PTBP3: variants seen among roughly 807,000 people sequenced by gnomAD.
PTBP3 encodes the protein polypyrimidine tract binding protein 3.
In PTBP3, 20 loss-of-function variants were observed where a neutral mutation model predicts 58.7. That is an observed-to-expected ratio of 0.34 (90% CI 0.24 to 0.50). The LOEUF (loss-of-function observed/expected upper bound fraction) is 0.50. PTBP3 is among the 20% of genes least tolerant of loss of function. PTBP3 has a pLI of 0.98. For synonymous variants in PTBP3, 185 were observed against 219.8 expected, an observed-to-expected ratio of 0.84 and a Z score of 1.40; for missense variants, 509 against 637.2, an observed-to-expected ratio of 0.80 and a Z score of 2.17.
chr9:112,265,440 GT>G, intron 4 of PTBP3, among the ~76,000 whole-genome samples: 2 of 119,064 alleles, frequency 1.7e-5, no homozygotes, highest in Non-Finnish European at 3.4e-5. Context: ...CGGGCGGGGG[GT>G]GGGGGATGGG....
At chr9:112,267,714 T>C (rs1183442676) in intron 4 of PTBP3, among the ~76,000 whole-genome samples, 1 of 143,960 alleles carries the variant, frequency 6.9e-6, no homozygotes, top group Non-Finnish European at 1.6e-5. Flanking sequence ...ATTCACTCAA[T>C]TTCTCAATGC....
At chr9:112,316,971 C>CAA (rs1265773927) in intron 1 of PTBP3, among the ~76,000 whole-genome samples, 4 of 104,656 alleles carry the variant, frequency 3.8e-5, no homozygotes, top group African/African-American at 7.2e-5. Flanking sequence ...GACACCATCT[C>CAA]AAAAAAAAAA....
intron 2 of PTBP3, among the ~76,000 whole-genome samples, chr9:112,279,133 A>C (rs970003633): frequency 1.3e-5 from 2 of 152,208 alleles, no homozygotes; most frequent in Admixed American, 6.5e-5. Context: ...AAGATGAAGA[A>C]TGTATACCAT....
chr9:112,350,930 T>C, the PTBP3 span, among the ~76,000 whole-genome samples: 141,270 of 152,132 alleles, frequency 0.93, 65,666 homozygotes, highest in Admixed American at 0.95. Flanking sequence ...TCCCGAGTAG[T>C]TGGGATTACA....
intron 1 of PTBP3, among the ~76,000 whole-genome samples, chr9:112,308,201 A>G (rs1250361557): frequency 6.6e-6 from 1 of 151,682 alleles, no homozygotes; most frequent in Non-Finnish European, 1.5e-5. Flanking sequence ...AATTTTTTTT[A>G]TTTTTTGTAG....
chr9:112,260,670 A>G (rs760564789), intron 5 of PTBP3, among the ~76,000 whole-genome samples: 3 of 152,218 alleles, frequency 2.0e-5, no homozygotes, highest in Admixed American at 6.5e-5. Flanking sequence ...ACAGTGCCAG[A>G]AAAGACAGGT....
In PTBP3 at chr9:112,297,112, T is replaced by C. The variant is rs1285593527; in HGVS notation, c.34+720A>G. ...AATTTCAAGAACATTTATTTTAAAA[T>C]CACGTGGTACCTTATGGTACGTAAA... On this transcript the variant is annotated intron_variant, in intron 2 of 13. Coordinates refer to ENST00000374257, the MANE Select transcript of PTBP3 (RefSeq NM_001163788.4). 4.6e-5 allele frequency among the ~76,000 whole-genome samples: 7 copies of C among 152,348 alleles called. No homozygotes were observed. The South Asian group carries it at 1.0e-3, about 23-fold the overall frequency.
the PTBP3 span, among the ~76,000 whole-genome samples, chr9:112,344,542 C>T: frequency 5.9e-4 from 90 of 152,274 alleles, 1 homozygote; most frequent in Non-Finnish European, 1.2e-3. Context: ...TCCCAGCCTC[C>T]AGAACTGCAA....
intron 1 of PTBP3, among the ~76,000 whole-genome samples, chr9:112,319,092 A>AGCCTAGGC: frequency 6.8e-6 from 1 of 147,262 alleles, no homozygotes; most frequent in East Asian, 2.0e-4. Context: ...ATGCCATTGC[A>AGCCTAGGC]CTCCAGCCTA....
chr9:112,325,153 G>A (rs960332997), intron 1 of PTBP3, among the ~76,000 whole-genome samples: 3 of 152,126 alleles, frequency 2.0e-5, no homozygotes, highest in Admixed American at 6.5e-5. Context: ...GTCAAGAGAC[G>A]GCAAAATGCC....
chr9:112,224,227 G>A lies in PTBP3; in HGVS notation c.1365-17C>T. The A allele has an allele frequency of 6.8e-7, 1 of 1,475,376 alleles. No homozygotes were observed. Among genetic ancestry groups the A allele is most frequent in the Non-Finnish European group, 9.1e-7 (1 of 1,100,902 alleles). The allele number at this position is 1,475,376 out of a possible 1,614,324, so 91.4% of individuals were successfully genotyped here. On this transcript the variant is annotated splice_polypyrimidine_tract_variant and intron_variant, in intron 12 of 13. Transcript: ENST00000374257. ...ACAGAAGGGCTGTGAAAACATCAGA[G>A]GGAGTCAACTACCTGGGCCGCATTC...
intron 1 of PTBP3, among the ~76,000 whole-genome samples, chr9:112,301,864 C>T (rs924025147): frequency 6.6e-6 from 1 of 152,226 alleles, no homozygotes; most frequent in Admixed American, 6.5e-5. Context: ...ACTTGCCATG[C>T]ATCTCTAATT....
intron 1 of PTBP3, among the ~76,000 whole-genome samples, chr9:112,311,729 T>G (rs1156835028): frequency 6.6e-6 from 1 of 152,066 alleles, no homozygotes. Context: ...CAGGATAGCT[T>G]AAGGCCAGGA....
In PTBP3 at chr9:112,333,166, G is replaced by A. The variant is rs1221010637; in HGVS notation, c.-52+304C>T. 7 of 1,184,520 alleles carry A rather than the reference G, an allele frequency of 5.9e-6. No individual in the cohort carries two copies. In the African/African-American group the frequency reaches 8.0e-5, roughly 14 times the overall value. 73.4% of individuals were successfully genotyped at this position (1,184,520 alleles called of 1,614,324 possible). A position where few individuals can be genotyped will look rare whatever the true frequency, so the allele number is the denominator to read the frequency against. ...TCCCCGGACTCGGGGCGCGGAGGGC[G>A]GACCTCGGCACCGCGGCCGGACCGG... On this transcript the variant is annotated intron_variant, in intron 1 of 13. Transcript: ENST00000374257.
At chr9:112,272,043 T>C (rs1281804575) in intron 3 of PTBP3, among the ~76,000 whole-genome samples, 5 of 152,040 alleles carry the variant, frequency 3.3e-5, no homozygotes, top group African/African-American at 1.2e-4. Flanking sequence ...TTTAAGGTGG[T>C]AGATTTTGTC....
the PTBP3 span, among the ~76,000 whole-genome samples, chr9:112,376,244 TTTA>T: frequency 2.0e-4 from 25 of 122,514 alleles, no homozygotes; most frequent in African/African-American, 7.3e-4. Context: ...TGTAGGGGAG[TTTA>T]TTAAGTTTTT....
chr9:112,272,598 T>G (rs1169118829), intron 3 of PTBP3: 1 of 152,190 alleles, frequency 6.6e-6, no homozygotes, highest in Non-Finnish European at 1.5e-5. Context: ...GATAGGGGTC[T>G]TGATATGTTG....
Position 112,290,707 on chromosome 9 carries a change from T to TACACACACAC in PTBP3, c.34+7115_34+7124dup, listed in dbSNP as rs60262490. On this transcript the variant is annotated intron_variant, in intron 2 of 13. Transcript: ENST00000374257. ...AAAAAAATATATATATATATATATATACACACACACACACACACACACACA... is the reference window on the plus strand; with the variant it reads ...AAAAAAATATATATATATATATATATACACACACACACACACACACACACACACACACACA... Among the ~76,000 whole-genome samples the TACACACACAC allele has an allele frequency of 6.3e-3, 702 of 110,818 alleles. 33 individuals are homozygous for TACACACACAC. The highest frequency in any genetic ancestry group is 0.023 in the African/African-American group (601 of 25,716). The allele number at this position is 110,818 out of a possible 152,430, so 72.7% of individuals were successfully genotyped here.
chr9:112,259,316 T>C (rs1429053395), intron 5 of PTBP3, among the ~76,000 whole-genome samples: 4 of 152,162 alleles, frequency 2.6e-5, no homozygotes, highest in Non-Finnish European at 4.4e-5. Context: ...AATCTCACTG[T>C]TCCATTCAAA....
Sources: gnomAD v4.1 joint callset for allele counts (sites outside exome capture counted in the v4.1 genomes callset) on GRCh38, gnomAD v4.1.1 for gene constraint, MANE v1.5 for transcripts, NCBI Gene and HGNC (gene_info 2026-07-23, HGNC 2026-07-21) for gene names.